KHDRBS3: variants seen among roughly 807,000 people sequenced by gnomAD.
KHDRBS3 encodes the protein KH RNA binding domain containing, signal transduction associated 3.
A neutral mutation model predicts 45.6 loss-of-function variants in KHDRBS3; 23 were observed. The ratio of observed to expected loss-of-function variants is 0.50; its 90% confidence interval spans 0.36 to 0.72. KHDRBS3 has a LOEUF of 0.72. Among genes scored for constraint, KHDRBS3 ranks in the 30% least tolerant of loss-of-function variants. KHDRBS3 has a pLI of 0.00. For synonymous variants in KHDRBS3, 162 were observed against 156.5 expected, an observed-to-expected ratio of 1.04 and a Z score of -0.26; for missense variants, 352 against 424.8, an observed-to-expected ratio of 0.83 and a Z score of 1.51.
rs542224345 is a variant in KHDRBS3, at chr8:135,470,587, T to C, written c.88+12633T>C. 1.4e-3 allele frequency among the ~76,000 whole-genome samples: 206 copies of C among 151,832 alleles called. 3 individuals carry two copies. Among genetic ancestry groups the C allele is most frequent in the African/African-American group, 4.2e-3 (172 of 41,344 alleles). On this transcript the variant is annotated intron_variant, in intron 1 of 8. Coordinates refer to ENST00000355849, the MANE Select transcript of KHDRBS3 (RefSeq NM_006558.3). ...CAGGGTTTTGCTGCTTTTTTTTTTTTTTCTTCTTCTTTCCCTGAGACAGAG... is the reference window on the plus strand; with the variant it reads ...CAGGGTTTTGCTGCTTTTTTTTTTTCTTCTTCTTCTTTCCCTGAGACAGAG...
At chr8:135,643,893 A>T (rs1752891118) in intron 7 of KHDRBS3, among the ~76,000 whole-genome samples, 1 of 152,252 alleles carries the variant, frequency 6.6e-6, no homozygotes, top group South Asian at 2.1e-4. Context: ...TTCAGTAGAC[A>T]TTCACAGCAA....
intron 1 of KHDRBS3, among the ~76,000 whole-genome samples, chr8:135,497,764 T>C (rs1823531951): frequency 6.6e-6 from 1 of 152,210 alleles, no homozygotes; most frequent in African/African-American, 2.4e-5. Context: ...AACCATGGTA[T>C]GTAAATAATA....
At chr8:135,596,845 A>AAG (rs1186593204) in intron 6 of KHDRBS3, among the ~76,000 whole-genome samples, 8 of 152,146 alleles carry the variant, frequency 5.3e-5, no homozygotes, top group African/African-American at 1.9e-4. Flanking sequence ...GCGAAGCGTG[A>AAG]AGAGAAGAGA....
chr8:135,504,679 C>T (rs1307389838), intron 1 of KHDRBS3, among the ~76,000 whole-genome samples: 1 of 152,166 alleles, frequency 6.6e-6, no homozygotes, highest in African/African-American at 2.4e-5. Flanking sequence ...AATTAGAATG[C>T]TGATAGGTAT....
chr8:135,591,823 A>G (rs1023893384), intron 6 of KHDRBS3, among the ~76,000 whole-genome samples: 3 of 152,222 alleles, frequency 2.0e-5, no homozygotes, highest in African/African-American at 7.2e-5. Flanking sequence ...GGGGATTTTT[A>G]TAGAGACGGG....
chr8:135,476,473 C>T lies in KHDRBS3; in HGVS notation c.88+18519C>T, dbSNP rs551729943. On this transcript the variant is annotated intron_variant, in intron 1 of 8. Coordinates refer to ENST00000355849, the MANE Select transcript of KHDRBS3 (RefSeq NM_006558.3). Reference sequence around the variant, plus strand: ...TTTATTAATAAGAATATATTGTGCTCCTCTTTAACTGCTGCATTTGTTTTT... The same window carrying T: ...TTTATTAATAAGAATATATTGTGCTTCTCTTTAACTGCTGCATTTGTTTTT... Among the ~76,000 whole-genome samples the T allele has an allele frequency of 1.1e-4, 17 of 152,242 alleles. No homozygotes were observed. The South Asian group carries it at 3.3e-3, about 30-fold the overall frequency.
chr8:135,512,429 C>CGGT (rs142771026), intron 1 of KHDRBS3, among the ~76,000 whole-genome samples: 1 of 78,088 alleles, frequency 1.3e-5, no homozygotes, highest in Non-Finnish European at 2.2e-5. Context: ...TTGGAAAAGT[C>CGGT]GGGGGGGGGG....
chr8:135,651,398 C>T (rs1831425472), downstream of KHDRBS3, among the ~76,000 whole-genome samples: 3 of 151,786 alleles, frequency 2.0e-5, no homozygotes, highest in Admixed American at 1.3e-4. Flanking sequence ...GGTGTTCACT[C>T]ATTGGTTGCT....
intron 1 of KHDRBS3, among the ~76,000 whole-genome samples, chr8:135,461,733 T>C (rs1465518970): frequency 1.3e-5 from 2 of 152,254 alleles, no homozygotes; most frequent in Admixed American, 1.3e-4. Flanking sequence ...CATAACACTG[T>C]ATTTTTAATT....
At chr8:135,638,916 G>A (rs534060862) in intron 7 of KHDRBS3, among the ~76,000 whole-genome samples, 3 of 150,628 alleles carry the variant, frequency 2.0e-5, no homozygotes, top group Non-Finnish European at 2.9e-5. Flanking sequence ...AGCCAAGAGC[G>A]CGCCACTGCA....
intron 7 of KHDRBS3, among the ~76,000 whole-genome samples, chr8:135,628,999 G>A (rs1830485207): frequency 6.6e-6 from 1 of 152,210 alleles, no homozygotes; most frequent in Non-Finnish European, 1.5e-5. Context: ...TTAGCCTGAA[G>A]GCCAGTGGTT....
chr8:135,484,130 T>G (rs1235649279), intron 1 of KHDRBS3, among the ~76,000 whole-genome samples: 1 of 152,182 alleles, frequency 6.6e-6, no homozygotes, highest in East Asian at 1.9e-4. Context: ...CACAAAGAGT[T>G]AATGTGAAGT....
chr8:135,583,246 A>G (rs940397226), intron 6 of KHDRBS3, among the ~76,000 whole-genome samples: 7 of 152,230 alleles, frequency 4.6e-5, no homozygotes, highest in Admixed American at 1.3e-4. Context: ...GAGAGAGTGC[A>G]TACTGGGAGC....
intron 1 of KHDRBS3, among the ~76,000 whole-genome samples, chr8:135,480,634 A>G (rs1022414685): frequency 2.0e-5 from 3 of 152,146 alleles, no homozygotes; most frequent in African/African-American, 7.2e-5. Context: ...AAAAAAGTGG[A>G]AGATGTAAAA....
intron 5 of KHDRBS3, among the ~76,000 whole-genome samples, chr8:135,564,608 C>T (rs1164131304): frequency 1.3e-5 from 2 of 152,106 alleles, no homozygotes; most frequent in African/African-American, 4.8e-5. Context: ...TGATATTGTC[C>T]TACAGGCTGA....
chr8:135,567,895 G>A (rs1444690667), intron 5 of KHDRBS3, among the ~76,000 whole-genome samples: 10 of 152,158 alleles, frequency 6.6e-5, no homozygotes, highest in Non-Finnish European at 2.9e-5. Flanking sequence ...GCCCCTGAAG[G>A]GTAGCACATA....
chr8:135,625,450 C>T (rs1427843308), intron 7 of KHDRBS3: 1 of 774,466 alleles, frequency 1.3e-6, no homozygotes, highest in African/African-American at 1.7e-5. Context: ...TTTCACACCA[C>T]ACCAGGGCAG....
chr8:135,623,377 T>G (rs527907943), intron 7 of KHDRBS3, among the ~76,000 whole-genome samples: 2 of 152,208 alleles, frequency 1.3e-5, no homozygotes, highest in Non-Finnish European at 2.9e-5. Flanking sequence ...ATGTAATGTG[T>G]GACCTTGAGC....
At chr8:135,476,728 G>C (rs1822309066) in intron 1 of KHDRBS3, among the ~76,000 whole-genome samples, 1 of 152,166 alleles carries the variant, frequency 6.6e-6, no homozygotes, top group African/African-American at 2.4e-5. Flanking sequence ...ACTTCAATTT[G>C]TGTCCATTTG....
Sources: gnomAD v4.1 joint callset for allele counts (sites outside exome capture counted in the v4.1 genomes callset) on GRCh38, gnomAD v4.1.1 for gene constraint, MANE v1.5 for transcripts, NCBI Gene and HGNC (gene_info 2026-07-23, HGNC 2026-07-21) for gene names.